The following CACNA1E variants were observed in gnomAD, a reference collection of about 807,000 sequenced individuals.
CACNA1E encodes calcium voltage-gated channel subunit alpha1 E, also known as voltage-dependent R-type calcium channel subunit alpha-1E.
Under a neutral mutation model 259.2 loss-of-function variants are expected in CACNA1E, and 40 were observed. The observed-to-expected ratio is 0.15, with a 90% CI of 0.12 to 0.20. The LOEUF is 0.20. CACNA1E is among the 10% of genes least tolerant of loss of function. The pLI is 1.00. For synonymous variants in CACNA1E, 1,104 were observed against 1,138.5 expected (o/e 0.97, Z 0.61); for missense variants, 1,874 against 3,040.1 (o/e 0.62, Z 9.02).
At chr1:181,785,105 G>A (rs945368208) in intron 41 of CACNA1E, among the ~76,000 whole-genome samples, 3 of 152,118 alleles carry the variant, frequency 2.0e-5, no homozygotes, top group South Asian at 4.1e-4. Flanking sequence ...CCATCACTAG[G>A]TGGGCATGCA....
At chr1:181,443,654 C>T (rs567389256) in intron 2 of CACNA1E, among the ~76,000 whole-genome samples, 1 of 152,278 alleles carries the variant, frequency 6.6e-6, no homozygotes, top group South Asian at 2.1e-4. Context: ...TGTCCTGCAG[C>T]AACTGTGTAA....
At chr1:181,395,429 A>G (rs1014216389) in intron 1 of CACNA1E, among the ~76,000 whole-genome samples, 2 of 152,210 alleles carry the variant, frequency 1.3e-5, no homozygotes, top group African/African-American at 4.8e-5. Context: ...ACCTGGTTAT[A>G]TGAGTCAGAA....
At chr1:181,537,650 C>A (rs542152945) in intron 3 of CACNA1E, among the ~76,000 whole-genome samples, 1 of 152,208 alleles carries the variant, frequency 6.6e-6, no homozygotes, top group African/African-American at 2.4e-5. Flanking sequence ...ACTTCACATT[C>A]AAAATGAGGT....
chr1:181,791,780 C>A (rs1661332806), intron 44 of CACNA1E, among the ~76,000 whole-genome samples: 1 of 152,192 alleles, frequency 6.6e-6, no homozygotes, highest in African/African-American at 2.4e-5. Context: ...AATTCTGATT[C>A]ATCTGTGGCT....
In CACNA1E at chr1:181,714,537, A is replaced by C. The variant is rs116614317; in HGVS notation, c.1172-801A>C. Among the ~76,000 whole-genome samples the C allele has an allele frequency of 3.7e-3, 569 of 152,206 alleles. 9 individuals carry two copies. The highest frequency in any genetic ancestry group is 0.013 in the African/African-American group (542 of 41,552). On this transcript the variant is annotated intron_variant, in intron 8 of 47. Coordinates refer to ENST00000367573, the MANE Select transcript of CACNA1E (RefSeq NM_001205293.3). ...ATCTCTAGTGCCCCTCCTCCCTAGA[A>C]GTGGGAGTAGGGGGAGGCTGAAAGT...
intron 1 of CACNA1E, among the ~76,000 whole-genome samples, chr1:181,331,316 C>T (rs1427456437): frequency 6.6e-6 from 1 of 152,052 alleles, no homozygotes; most frequent in African/African-American, 2.4e-5. Flanking sequence ...GCTGAGAAGG[C>T]CCATCACAGG....
At chr1:181,645,195 GTGAT>G (rs1658153439) in intron 6 of CACNA1E, among the ~76,000 whole-genome samples, 1 of 152,196 alleles carries the variant, frequency 6.6e-6, no homozygotes, top group Non-Finnish European at 1.5e-5. Flanking sequence ...GTCAATCTAA[GTGAT>G]TGTTCTAAAA....
intron 1 of CACNA1E, among the ~76,000 whole-genome samples, chr1:181,368,225 G>C (rs998859891): frequency 6.7e-6 from 1 of 149,630 alleles, no homozygotes; most frequent in Non-Finnish European, 1.5e-5. Flanking sequence ...GAGAGACTCT[G>C]TCTAAAAAAA....
In CACNA1E at chr1:181,651,592, G is replaced by T. The variant is rs542810232; in HGVS notation, c.1055+151G>T. The T allele has an allele frequency of 1.2e-5, 7 of 593,384 alleles. No individual in the cohort carries two copies. In the African/African-American group the frequency reaches 1.3e-4, roughly 11 times the overall value. The allele number at this position is 593,384 out of a possible 1,614,324, so 36.8% of individuals were successfully genotyped here. The stretch of plus-strand genomic sequence containing the variant: ...CTGTGCCAAATGCTTTCTAGATGCT[G>T]GGAATGCAGTAGTGAACCATCATTC... On this transcript the variant is annotated intron_variant, in intron 7 of 47. Transcript: ENST00000367573.
At chr1:181,491,239 TC>T (rs1664290408) in intron 1 of CACNA1E, among the ~76,000 whole-genome samples, 1 of 152,204 alleles carries the variant, frequency 6.6e-6, no homozygotes, top group African/African-American at 2.4e-5. Flanking sequence ...CAAGGCTAAT[TC>T]CTCATTTAGT....
At chr1:181,421,542 T>C (rs1007203298) in intron 2 of CACNA1E, among the ~76,000 whole-genome samples, 2 of 152,216 alleles carry the variant, frequency 1.3e-5, no homozygotes, top group Non-Finnish European at 2.9e-5. Context: ...CTGTTGTCTA[T>C]CTAATCAGCT....
chr1:181,482,015 A>G (rs528633800), upstream of CACNA1E, among the ~76,000 whole-genome samples: 1 of 152,106 alleles, frequency 6.6e-6, no homozygotes, highest in Non-Finnish European at 1.5e-5. Context: ...CCTACAGCGG[A>G]ACCGGGAGGC....
At chr1:181,627,579 G>C (rs1656317671) in intron 6 of CACNA1E, among the ~76,000 whole-genome samples, 1 of 152,178 alleles carries the variant, frequency 6.6e-6, no homozygotes, top group African/African-American at 2.4e-5. Context: ...CATGAGAACA[G>C]TGTGTTGGGA....
intron 3 of CACNA1E, among the ~76,000 whole-genome samples, chr1:181,535,631 G>T (rs10910952): frequency 0.98 from 149,263 of 152,022 alleles, 73,330 homozygotes; most frequent in East Asian, 1. Context: ...TTAACCACTC[G>T]ATTGTTGTCT....
At chr1:181,489,078 C>T (rs1233940704) in intron 1 of CACNA1E, among the ~76,000 whole-genome samples, 2 of 152,198 alleles carry the variant, frequency 1.3e-5, no homozygotes, top group Non-Finnish European at 2.9e-5. Context: ...ACGTCATGCA[C>T]AGGGCTGCCT....
In CACNA1E at chr1:181,750,549, A is replaced by C; in HGVS notation, c.3731+62A>C. ...AAGGAATGAGTTGGAGGAGCGAGAA[A>C]GTATGGTTGGGAGGGGAGGGGCTCA... On this transcript the variant is annotated intron_variant, in intron 26 of 47. Transcript: ENST00000367573. The C allele has an allele frequency of 4.6e-6, 7 of 1,512,450 alleles. No individual in the cohort carries two copies. The South Asian group carries it at 6.8e-5, about 15-fold the overall frequency. 93.7% of individuals were successfully genotyped at this position (1,512,450 alleles called of 1,614,324 possible). A position where few individuals can be genotyped will look rare whatever the true frequency, so the allele number is the denominator to read the frequency against.
At chr1:181,510,149 C>T (rs1666043865) in intron 1 of CACNA1E, among the ~76,000 whole-genome samples, 1 of 152,146 alleles carries the variant, frequency 6.6e-6, no homozygotes, top group Non-Finnish European at 1.5e-5. Flanking sequence ...TATTTTCAGC[C>T]TTGGTTATTG....
intron 35 of CACNA1E, among the ~76,000 whole-genome samples, chr1:181,770,651 A>G (rs1659423776): frequency 6.6e-6 from 1 of 152,164 alleles, no homozygotes; most frequent in African/African-American, 2.4e-5. Context: ...GGTCTGTTGG[A>G]TGATACATGT....
intron 2 of CACNA1E, among the ~76,000 whole-genome samples, chr1:181,438,650 A>G (rs149877953): frequency 2.0e-5 from 3 of 152,332 alleles, no homozygotes; most frequent in Middle Eastern, 3.4e-3. Context: ...ATTTATACCC[A>G]TGAGAATGGC....
Sources: gnomAD v4.1 joint callset for allele counts (sites outside exome capture counted in the v4.1 genomes callset) on GRCh38, gnomAD v4.1.1 for gene constraint, MANE v1.5 for transcripts, NCBI Gene and HGNC (gene_info 2026-07-23, HGNC 2026-07-21) for gene names.